PLSCR2: variants seen among roughly 807,000 people sequenced by gnomAD.
PLSCR2 encodes the protein PL scramblase 2.
In PLSCR2, 18 loss-of-function variants were observed where a neutral mutation model predicts 25.3. The observed-to-expected ratio is 0.71, with a 90% CI of 0.49 to 1.06. The LOEUF is 1.06. PLSCR2 is among the 50% of genes least tolerant of loss of function. PLSCR2 has a pLI of 0.00. For missense variants in PLSCR2, 243 were observed against 269.5 expected, an observed-to-expected ratio of 0.90 and a Z score of 0.69; for synonymous variants, 88 against 87.3, an observed-to-expected ratio of 1.01 and a Z score of -0.04.
intron 3 of PLSCR2, 97 bp downstream of exon 3, chr3:146,458,314 C>G: frequency 9.5e-7 from 1 of 1,050,570 alleles, no homozygotes. Flanking sequence ...TACCATCCCA[C>G]ATCACTCGGA....
intron 1 of PLSCR2, among the ~76,000 whole-genome samples, chr3:146,469,876 C>T (rs2042048586): frequency 6.6e-6 from 1 of 151,840 alleles, no homozygotes; most frequent in African/African-American, 2.4e-5. Flanking sequence ...GGAGAGACTC[C>T]GGAAACGTTT....
intron 1 of PLSCR2, among the ~76,000 whole-genome samples, chr3:146,486,023 G>T (rs947705801): frequency 2.6e-5 from 4 of 151,978 alleles, no homozygotes; most frequent in Non-Finnish European, 5.9e-5. Context: ...GGAAATTATG[G>T]GTGCTACAAG....
At chr3:146,484,664 C>A (rs1161356108) in intron 1 of PLSCR2, among the ~76,000 whole-genome samples, 2 of 152,056 alleles carry the variant, frequency 1.3e-5, no homozygotes, top group Non-Finnish European at 2.9e-5. Flanking sequence ...GAATTTCCAA[C>A]ACAGAATTTT....
intron 1 of PLSCR2, among the ~76,000 whole-genome samples, chr3:146,473,970 GTTAA>G (rs1444129500): frequency 3.3e-5 from 5 of 152,276 alleles, no homozygotes; most frequent in Middle Eastern, 3.4e-3. Flanking sequence ...ACAAATATTG[GTTAA>G]TTGTCAGTCA....
intron 2 of PLSCR2, among the ~76,000 whole-genome samples, chr3:146,398,067 G>C (rs1330089687): frequency 6.6e-6 from 1 of 151,896 alleles, no homozygotes; most frequent in Non-Finnish European, 1.5e-5. Flanking sequence ...GAAAGTTAGG[G>C]AAGTATGGCT....
chr3:146,433,370 T>C (rs2039623376), exon 9 of PLSCR2: 1 of 152,154 alleles, frequency 6.6e-6, no homozygotes, highest in Non-Finnish European at 1.5e-5. Flanking sequence ...AAATATTCAA[T>C]GCGAAATGTT....
upstream of PLSCR2, chr3:146,463,997 G>A (rs757214981): frequency 1.0e-6 from 1 of 982,794 alleles, no homozygotes; most frequent in Non-Finnish European, 1.2e-6. Context: ...ATTTGGCCCT[G>A]AAATAAATCA....
At chr3:146,471,103 C>A (rs2042103009) in intron 1 of PLSCR2, among the ~76,000 whole-genome samples, 2 of 151,472 alleles carry the variant, frequency 1.3e-5, no homozygotes, top group Non-Finnish European at 1.5e-5. Flanking sequence ...ATGTGTTTTT[C>A]ACCTAACAGT....
At chr3:146,478,646 T>A (rs1418054341) in intron 1 of PLSCR2, among the ~76,000 whole-genome samples, 1 of 152,118 alleles carries the variant, frequency 6.6e-6, no homozygotes, top group African/African-American at 2.4e-5. Context: ...ACGAGGAGAA[T>A]TGAACCAAGT....
downstream of PLSCR2, among the ~76,000 whole-genome samples, chr3:146,428,719 A>G (rs2039439942): frequency 1.3e-5 from 2 of 152,200 alleles, no homozygotes; most frequent in Non-Finnish European, 2.9e-5. Flanking sequence ...AACAGTCTCT[A>G]GCCCAGATGC....
At chr3:146,423,118 C>T (rs908034215) in intron 2 of PLSCR2, among the ~76,000 whole-genome samples, 2 of 151,890 alleles carry the variant, frequency 1.3e-5, no homozygotes, top group African/African-American at 4.8e-5. Context: ...GTGACTGAGA[C>T]CTAAGCCCAG....
intron 2 of PLSCR2, among the ~76,000 whole-genome samples, chr3:146,411,218 T>C (rs892960716): frequency 1.3e-5 from 2 of 151,942 alleles, no homozygotes; most frequent in Non-Finnish European, 2.9e-5. Context: ...GTGAACTAAA[T>C]CAAGGGAGGG....
chr3:146,466,760 G>T (rs1576698482), intron 1 of PLSCR2, among the ~76,000 whole-genome samples: 1 of 152,248 alleles, frequency 6.6e-6, no homozygotes, highest in Non-Finnish European at 1.5e-5. Context: ...GTACAGCTCA[G>T]TAACTAGCTG....
chr3:146,463,569 T>C (rs1203421785), upstream of PLSCR2, among the ~76,000 whole-genome samples: 1 of 152,196 alleles, frequency 6.6e-6, no homozygotes, highest in Non-Finnish European at 1.5e-5. Flanking sequence ...AGTCACTGTT[T>C]TCTCCATCTA....
At chr3:146,401,070 C>G (rs1313410381) in intron 2 of PLSCR2, among the ~76,000 whole-genome samples, 2 of 151,964 alleles carry the variant, frequency 1.3e-5, no homozygotes, top group Admixed American at 1.3e-4. Flanking sequence ...GAGGTAGAGT[C>G]TTTGCCACTT....
rs762079886 is a variant in PLSCR2, at chr3:146,454,123, A to T, written c.362T>A (p.Val121Asp). The T allele has an allele frequency of 5.0e-6, 8 of 1,605,130 alleles. No individual in the cohort carries two copies. The South Asian group carries it at 9.0e-5, about 18-fold the overall frequency. The change falls in exon 5 of 7, where the codon GTT becomes GAT. Residue 121 changes from valine to aspartate, a missense_variant. Transcript: ENST00000610787. Reference sequence around the variant, plus strand: ...TAGACATGGGTGCCAGGTCTGAGTAACATAACCTACTGGTACACCAGGAGG... The same window carrying T: ...TAGACATGGGTGCCAGGTCTGAGTATCATAACCTACTGGTACACCAGGAGG...
chr3:146,455,439 T>C, exon 4 of PLSCR2: 1 of 1,607,548 alleles, frequency 6.2e-7, no homozygotes, highest in African/African-American at 1.3e-5. Context: ...TACATGTTAC[T>C]ACTTTCAAAA....
intron 2 of PLSCR2, among the ~76,000 whole-genome samples, chr3:146,459,468 TC>T (rs1262827962): frequency 1.3e-5 from 2 of 152,324 alleles, no homozygotes; most frequent in East Asian, 3.9e-4. Context: ...GACCTCAGTT[TC>T]CTCTTGTGTA....
chr3:146,473,897 G>T (rs1343411850), intron 1 of PLSCR2, among the ~76,000 whole-genome samples: 1 of 152,186 alleles, frequency 6.6e-6, no homozygotes, highest in East Asian at 1.9e-4. Flanking sequence ...ATTGCTAAGT[G>T]TTCTATTTTG....
Sources: allele counts gnomAD v4.1 joint callset (sites outside exome capture counted in the v4.1 genomes callset), GRCh38; gene constraint gnomAD v4.1.1; transcripts MANE v1.5; gene names NCBI Gene and HGNC (gene_info 2026-07-23, HGNC 2026-07-21).